Variants in KCNJ5 observed in about 807,000 individuals in gnomAD.
KCNJ5 encodes the protein potassium inwardly rectifying channel subfamily J member 5, also known as G protein-activated inward rectifier potassium channel 4.
KCNJ5 carries 12 observed loss-of-function variants against 20.2 expected under a neutral mutation model. The observed-to-expected ratio is 0.59, with a 90% CI of 0.38 to 0.96. The LOEUF is 0.96. Ranked by LOEUF, KCNJ5 falls within the 40% of genes least tolerant of loss-of-function variation. The pLI is 0.00. For synonymous variants in KCNJ5, 210 were observed against 213.9 expected (o/e 0.98, Z 0.16); for missense variants, 449 against 557.6 (o/e 0.81, Z 1.96).
At chr11:128,902,672 C>T (rs1944309643) in intron 1 of KCNJ5, 1 of 1,613,704 alleles carries the variant, frequency 6.2e-7, no homozygotes, top group Admixed American at 1.7e-5. Context: ...GGCCGCCTGC[C>T]TTTGTTGTCC....
intron 2 of KCNJ5, among the ~76,000 whole-genome samples, chr11:128,912,793 G>A (rs1944523762): frequency 6.6e-6 from 1 of 152,204 alleles, no homozygotes; most frequent in Non-Finnish European, 1.5e-5. Flanking sequence ...ACACGCGTGA[G>A]CCACAGTGCC....
chr11:128,892,350 C>T (rs1454340570), intron 1 of KCNJ5, among the ~76,000 whole-genome samples: 1 of 152,198 alleles, frequency 6.6e-6, no homozygotes, highest in African/African-American at 2.4e-5. Context: ...CCCTTCTCTT[C>T]AAGTCAGTGC....
intron 1 of KCNJ5, among the ~76,000 whole-genome samples, chr11:128,897,499 T>C (rs1444530014): frequency 9.9e-5 from 15 of 152,190 alleles, no homozygotes. Context: ...TTGGCTTTTG[T>C]TGTTGTTTCT....
intron 2 of KCNJ5, 43 bp downstream of exon 2, chr11:128,912,253 C>A: frequency 6.7e-7 from 1 of 1,491,494 alleles, no homozygotes; most frequent in Non-Finnish European, 9.2e-7. Context: ...GCCCTACCTA[C>A]ACTTCAGACT....
chr11:128,902,700 T>C (rs1349984303), intron 1 of KCNJ5: 1 of 1,609,314 alleles, frequency 6.2e-7, no homozygotes, highest in African/African-American at 1.3e-5. Flanking sequence ...TGACAGGTAA[T>C]GTTTGTGGCA....
At chr11:128,908,851 T>C (rs1944462252) in intron 1 of KCNJ5, among the ~76,000 whole-genome samples, 1 of 152,138 alleles carries the variant, frequency 6.6e-6, no homozygotes, top group African/African-American at 2.4e-5. Context: ...GTGTCCAGAA[T>C]ACACGGGGCC....
chr11:128,904,538 T>C, intron 1 of KCNJ5: 1 of 1,366,652 alleles, frequency 7.3e-7, no homozygotes, highest in Non-Finnish European at 1.0e-6. Flanking sequence ...GCTACTCAGG[T>C]GTGCACTGAG....
chr11:128,907,546 T>G (rs1382487372), intron 1 of KCNJ5, among the ~76,000 whole-genome samples: 2 of 152,270 alleles, frequency 1.3e-5, no homozygotes, highest in Non-Finnish European at 2.9e-5. Context: ...TAAACCACTT[T>G]GCTGGACTTG....
At position 128,912,507 on chromosome 11, in the gene KCNJ5, T is replaced by TTTG. The variant is rs1944519913; in HGVS notation, c.937+299_937+300insGTT. Among the ~76,000 whole-genome samples the TTTG allele has an allele frequency of 2.0e-5, 3 of 151,366 alleles. 1 individual carries two copies. The South Asian group carries it at 6.3e-4, about 32-fold the overall frequency. Reference sequence around the variant, plus strand: ...ATATAGTGGGTTATTGTTGTTGTTGTTTTGTTTATTTGTTTATTTTTGAGG... The same window carrying TTTG: ...ATATAGTGGGTTATTGTTGTTGTTGTTTGTTTGTTTATTTGTTTATTTTTGAGG... On this transcript the variant is annotated intron_variant, in intron 2 of 2. Coordinates refer to ENST00000529694, the MANE Select transcript of KCNJ5 (RefSeq NM_000890.5).
chr11:128,891,707 C>T lies in KCNJ5; in HGVS notation c.-25C>T, dbSNP rs961349175. On this transcript the variant is annotated 5_prime_UTR_variant, in exon 1 of 3. Coordinates refer to ENST00000529694, the MANE Select transcript of KCNJ5 (RefSeq NM_000890.5). Reference sequence around the variant, plus strand: ...AGTTAGCATCAGTGGGACTCGGAAGCTCCGATCTCAACAAGTAAGTTGTCT... The same window carrying T: ...AGTTAGCATCAGTGGGACTCGGAAGTTCCGATCTCAACAAGTAAGTTGTCT... 3 of 152,358 alleles carry T rather than the reference C, an allele frequency of 2.0e-5. No homozygotes were observed. Among genetic ancestry groups the T allele is most frequent in the East Asian group, 1.9e-4 (1 of 5,184 alleles). The allele number at this position is 152,358 out of a possible 1,614,324, so 9.4% of individuals were successfully genotyped here.
intron 1 of KCNJ5, chr11:128,904,741 T>A: frequency 1.8e-6 from 1 of 564,362 alleles, no homozygotes; most frequent in South Asian, 2.2e-5. Context: ...CCAGTGGGTG[T>A]TGAGTGGGGG....
intron 1 of KCNJ5, chr11:128,905,875 C>T (rs1425226235): frequency 6.6e-6 from 1 of 152,224 alleles, no homozygotes. Flanking sequence ...GCAGCACTAG[C>T]CGTGCGATTC....
At chr11:128,895,077 G>T (rs1457425663) in intron 1 of KCNJ5, among the ~76,000 whole-genome samples, 1 of 152,008 alleles carries the variant, frequency 6.6e-6, no homozygotes. Context: ...GATAGTATGG[G>T]GGACAGGAAA....
chr11:128,911,503 T>C lies in KCNJ5; in HGVS notation c.230T>C (p.Leu77Pro). ...VQETYRYLSDLFTTLVDLKWR... is the reference protein window; with the variant it reads ...VQETYRYLSDPFTTLVDLKWR... ...GAGACCTACCGGTACCTGAGTGACC[T>C]CTTCACCACCCTGGTGGACCTCAAG... is the stretch of plus-strand genomic sequence containing the variant. The change falls in exon 2 of 3, where the codon CTC becomes CCC. Residue 77 changes from leucine to proline, a missense_variant. By Grantham distance (98) the Leu-to-Pro change is moderately conservative. Transcript: ENST00000529694. This position sits in a 1 kb window ranked among gnomAD's most constrained non-coding sequence, Gnocchi z 6.3. 1 of 1,614,228 alleles carries C rather than the reference T, an allele frequency of 6.2e-7. No individual in the cohort carries two copies.
chr11:128,911,737 G>A lies in KCNJ5; in HGVS notation c.464G>A (p.Arg155Gln), dbSNP rs766969216. 4.3e-6 allele frequency: 7 copies of A among 1,614,138 alleles called. No homozygotes were observed. The highest frequency in any genetic ancestry group is 2.2e-5 in the South Asian group (2 of 91,070). ...GAAACAACCATTGGGTATGGCTTCC[G>A]AGTCATCACAGAGAAGTGTCCAGAG... ...ETETTIGYGF[R>Q]VITEKCPEGI... Residue 155 changes from arginine (R) to glutamine (Q), a missense_variant, in exon 2 of 3, where the codon CGA becomes CAA. Around this residue, in one of 5 missense-constraint regions of KCNJ5, gnomAD observed 203 missense variants for 258.0 expected, o/e 0.79. Transcript: ENST00000529694. This position sits in a 1 kb window ranked among gnomAD's most constrained non-coding sequence, Gnocchi z 6.3.
chr11:128,898,969 C>T (rs142633976), intron 1 of KCNJ5, among the ~76,000 whole-genome samples: 43 of 152,358 alleles, frequency 2.8e-4, no homozygotes, highest in African/African-American at 1.0e-3. Flanking sequence ...CGTGAGCCGC[C>T]GTGCCTGGCC....
rs1356723958 is a variant in KCNJ5, at chr11:128,916,300, G to GAACA, written c.938-109_938-108insAACA. ...TGGATGAACAGATGACTGGATGGAT[G>GAACA]GATGGATGGATAGATGGATGGATGG... On this transcript the variant is annotated intron_variant, in intron 2 of 2. Transcript: ENST00000529694. The GAACA allele has an allele frequency of 3.6e-6, 3 of 834,472 alleles. No homozygotes were observed. The African/African-American group carries it at 5.2e-5, about 14-fold the overall frequency. The allele number at this position is 834,472 out of a possible 1,614,324, so 51.7% of individuals were successfully genotyped here. A position where few individuals can be genotyped will look rare whatever the true frequency, so the allele number is the denominator to read the frequency against.
Position 128,912,907 on chromosome 11 carries a change from G to A in KCNJ5, c.937+697G>A, listed in dbSNP as rs1008893320. ...CACTTTCGAATGATAGAGCTAGGAT[G>A]GAAATTGAGACCAGGGACCCCAGAG... On this transcript the variant is annotated intron_variant, in intron 2 of 2. Transcript: ENST00000529694. 2.0e-5 allele frequency among the ~76,000 whole-genome samples: 3 copies of A among 152,212 alleles called. No homozygotes were observed. The East Asian group carries it at 5.8e-4, about 29-fold the overall frequency.
rs565117591 is a variant in KCNJ5 at position 128,916,108 on chromosome 11, G to T, written c.938-301G>T. Among the ~76,000 whole-genome samples the T allele has an allele frequency of 2.7e-3, 204 of 76,000 alleles. 2 individuals are homozygous for T. The highest frequency in any genetic ancestry group is 0.014 in the African/African-American group (195 of 14,282). The allele number at this position is 76,000 out of a possible 152,430, so 49.9% of individuals were successfully genotyped here. ...TATCTGGATGGATAGATAATTGGAT[G>T]GATGGATGGATGGATGGATGGATGG... On this transcript the variant is annotated intron_variant, in intron 2 of 2. Coordinates refer to ENST00000529694, the MANE Select transcript of KCNJ5 (RefSeq NM_000890.5).
Sources: allele counts gnomAD v4.1 joint callset (sites outside exome capture counted in the v4.1 genomes callset), GRCh38; gene constraint gnomAD v4.1.1; regional missense constraint gnomAD v4.1.1; non-coding constraint Gnocchi (gnomAD v3.1); transcripts MANE v1.5; gene names NCBI Gene and HGNC (gene_info 2026-07-23, HGNC 2026-07-21).